The following EXOC3L4 variants were observed in gnomAD, a reference collection of about 807,000 sequenced individuals.
The protein encoded by EXOC3L4 is exocyst complex component 3 like 4.
EXOC3L4 carries 62 observed loss-of-function variants against 69.7 expected under a neutral mutation model. The ratio of observed to expected loss-of-function variants is 0.89; its 90% CI spans 0.72 to 1.10. EXOC3L4 has a LOEUF of 1.10. Among genes scored for constraint, EXOC3L4 ranks in the 50% least tolerant of loss-of-function variants. The probability of loss-of-function intolerance (pLI) is 0.00; values close to 1 mark genes in which losing one functional copy is unlikely to be tolerated. For synonymous variants in EXOC3L4, 502 were observed against 464.2 expected (o/e 1.08, Z -1.05); for missense variants, 1,087 against 1,034.8 (o/e 1.05, Z -0.69).
upstream of EXOC3L4, among the ~76,000 whole-genome samples, chr14:103,094,556 A>G (rs971432001): frequency 6.6e-6 from 1 of 151,442 alleles, no homozygotes; most frequent in Admixed American, 6.5e-5. Flanking sequence ...CCTTGGACTG[A>G]GCCCTGAGCT....
intron 8 of EXOC3L4, among the ~76,000 whole-genome samples, chr14:103,107,175 T>C (rs1403374513): frequency 2.0e-5 from 3 of 152,098 alleles, no homozygotes; most frequent in African/African-American, 7.2e-5. Flanking sequence ...CCTCACCCAG[T>C]CCCTCAAGGC....
In EXOC3L4 at chr14:103,105,079, C is replaced by T. The variant is rs1186377134; in HGVS notation, c.1466+7C>T. ...ACGCCTGCGAGGAGCTCAGGTAGGG[C>T]TCGCCCGCTCCTGTGCGGGCGCAGC... On this transcript the variant is annotated splice_region_variant and intron_variant, in intron 7 of 11. Transcript: ENST00000688303. 6.3e-7 allele frequency: 1 copy of T among 1,595,328 alleles called. No individual in the cohort carries two copies. Among genetic ancestry groups the T allele is most frequent in the South Asian group, 1.1e-5 (1 of 89,966 alleles).
chr14:103,102,680 C>G lies in EXOC3L4; in HGVS notation c.957C>G (p.Ala319=). ...TCTATCTGCGTGCCTTCCACAGCGC[C>G]GTGGCCCAGCGCCTCCAGGAGCTCG... ...WEVYLRAFHS[A]VAQRLQELAR... The change falls in exon 3 of 12, where the codon GCC becomes GCG. Residue 319 remains alanine, a synonymous_variant. Transcript: ENST00000688303. The G allele has an allele frequency of 2.0e-6, 3 of 1,488,262 alleles. No individual in the cohort carries two copies. Among genetic ancestry groups the G allele is most frequent in the East Asian group, 2.9e-5 (1 of 34,846 alleles). The allele number at this position is 1,488,262 out of a possible 1,614,324, so 92.2% of individuals were successfully genotyped here.
At chr14:103,098,073 T>A (rs1329361670) in intron 1 of EXOC3L4, among the ~76,000 whole-genome samples, 2 of 151,936 alleles carry the variant, frequency 1.3e-5, no homozygotes, top group Admixed American at 6.6e-5. Flanking sequence ...GAAGGTGGCA[T>A]GGCTGGAGGC....
At chr14:103,100,098 T>C in intron 1 of EXOC3L4, 106 bp from the exon 2 acceptor site, 1 of 1,252,028 alleles carries the variant, frequency 8.0e-7, no homozygotes, top group Non-Finnish European at 1.1e-6. Context: ...GAGGGCTGCC[T>C]CCTCTGGAGA....
chr14:103,099,909 G>A (rs1362069616), intron 1 of EXOC3L4, among the ~76,000 whole-genome samples: 1 of 152,208 alleles, frequency 6.6e-6, no homozygotes, highest in Non-Finnish European at 1.5e-5. Flanking sequence ...CTAATGGGAG[G>A]GTCTGGCCTG....
In EXOC3L4 at chr14:103,103,795, CGCGTGTGTGT is replaced by C. The variant is rs1244400293; in HGVS notation, c.1050-144_1050-135del. 6.1e-3 allele frequency: 2,708 copies of C among 442,342 alleles called. 54 individuals carry two copies. The highest frequency in any genetic ancestry group is 0.057 in the African/African-American group (2,399 of 42,160). 27.4% of individuals were successfully genotyped at this position (442,342 alleles called of 1,614,324 possible). On this transcript the variant is annotated intron_variant, in intron 3 of 11. Coordinates refer to ENST00000688303, the MANE Select transcript of EXOC3L4 (RefSeq NM_001077594.2). ...TGGCATGGCAGCCTAGAGGCGCGCG[CGCGTGTGTGT>C]GTGTGTGTGTGTGTGTGTGTGTGTA...
chr14:103,103,707 C>G (rs1282994997), intron 3 of EXOC3L4: 2 of 520,596 alleles, frequency 3.8e-6, no homozygotes, highest in East Asian at 3.5e-5. Context: ...TCTGGGTAGC[C>G]GTCCTTCAGC....
chr14:103,104,882 C>T (rs371693526), intron 6 of EXOC3L4, 44 bp downstream of exon 6: 6 of 1,536,768 alleles, frequency 3.9e-6, no homozygotes, highest in Admixed American at 3.9e-5. Context: ...GCCGGGTGCG[C>T]TCTGCAGGTG....
chr14:103,102,636 G>T lies in EXOC3L4; in HGVS notation c.913G>T (p.Gly305Cys), dbSNP rs1004470558. 1 of 1,499,222 alleles carries T rather than the reference G, an allele frequency of 6.7e-7. No homozygotes were observed. Among genetic ancestry groups the T allele is most frequent in the Admixed American group, 2.2e-5 (1 of 45,978 alleles). The allele number at this position is 1,499,222 out of a possible 1,614,324, so 92.9% of individuals were successfully genotyped here. Residue 305 changes from glycine to cysteine, a missense_variant, in exon 3 of 12, where the codon GGC becomes TGC. Coordinates refer to ENST00000688303, the MANE Select transcript of EXOC3L4 (RefSeq NM_001077594.2). Reference protein sequence around the residue: ...QEVQPAYAAAGFPAWEVYLRA... With the variant: ...QEVQPAYAAACFPAWEVYLRA... ...GGTGCAGCCCGCGTATGCGGCGGCC[G>T]GCTTCCCAGCGTGGGAGGTCTATCT...
chr14:103,106,851 C>T lies in EXOC3L4; in HGVS notation c.1533C>T (p.Thr511=). 1 of 1,593,022 alleles carries T rather than the reference C, an allele frequency of 6.3e-7. No individual in the cohort carries two copies. Among genetic ancestry groups the T allele is most frequent in the Non-Finnish European group, 8.6e-7 (1 of 1,168,788 alleles). ...TGGAGAAGCCCCTGGTGACGGCCACCTGCAGCTTCCAGAAGCACTTGCTTC... is the reference window on the plus strand; with the variant it reads ...TGGAGAAGCCCCTGGTGACGGCCACTTGCAGCTTCCAGAAGCACTTGCTTC... ...EELEKPLVTA[T]CSFQKHLLQG... Residue 511 remains threonine, a synonymous_variant, in exon 8 of 12, where the codon ACC becomes ACT. Transcript: ENST00000688303.
At position 103,097,890 on chromosome 14, in the gene EXOC3L4, G is replaced by GTCA. The variant is rs1187027175; in HGVS notation, c.-16-2310_-16-2308dup. On this transcript the variant is annotated intron_variant, in intron 1 of 11. Coordinates refer to ENST00000688303, the MANE Select transcript of EXOC3L4 (RefSeq NM_001077594.2). The surrounding 1 kb of genome is among the most constrained non-coding windows in gnomAD (Gnocchi z 4.9). ...GAACCCCAGGGGAAGCTGGTGAGGTGTCATCAGCGGGAGGTGGGGGGTGGA... is the reference window on the plus strand; with the variant it reads ...GAACCCCAGGGGAAGCTGGTGAGGTGTCATCATCAGCGGGAGGTGGGGGGTGGA... Among the ~76,000 whole-genome samples the GTCA allele has an allele frequency of 6.6e-6, 1 of 152,112 alleles. No individual in the cohort carries two copies. The highest frequency in any genetic ancestry group is 1.9e-4 in the East Asian group (1 of 5,188).
At chr14:103,095,185 G>A (rs1171939849) in intron 1 of EXOC3L4, among the ~76,000 whole-genome samples, 8 of 152,198 alleles carry the variant, frequency 5.3e-5, no homozygotes, top group Non-Finnish European at 2.9e-5. Context: ...GTGCAAAACC[G>A]ACGCCCAGAA....
intron 7 of EXOC3L4, 34 bp from the exon 8 acceptor site, chr14:103,106,751 G>A: frequency 7.1e-7 from 1 of 1,412,848 alleles, no homozygotes; most frequent in Middle Eastern, 2.3e-4. Context: ...GGTCTCCCTT[G>A]CCCACCTCAT....
Position 103,097,357 on chromosome 14 carries a change from C to T in EXOC3L4, c.-17+2517C>T, listed in dbSNP as rs934368472. 6.6e-6 allele frequency among the ~76,000 whole-genome samples: 1 copy of T among 152,072 alleles called. No individual in the cohort carries two copies. Among genetic ancestry groups the T allele is most frequent in the Non-Finnish European group, 1.5e-5 (1 of 67,988 alleles). On this transcript the variant is annotated intron_variant, in intron 1 of 11. Coordinates refer to ENST00000688303, the MANE Select transcript of EXOC3L4 (RefSeq NM_001077594.2). The surrounding 1 kb of genome is among the most constrained non-coding windows in gnomAD (Gnocchi z 4.9). ...GCGGCAGCATAGGAGCCGGGGCCCC[C>T]TGGACTCTCCGGGCACTGGGGACAG...
rs115389716 is a variant in EXOC3L4 at position 103,097,083 on chromosome 14, C to T, written c.-17+2243C>T. Among the ~76,000 whole-genome samples, 52 of 108,246 alleles carry T rather than the reference C, an allele frequency of 4.8e-4. No homozygotes were observed. The highest frequency in any genetic ancestry group is 1.9e-3 in the African/African-American group (52 of 27,128). 71.0% of individuals were successfully genotyped at this position (108,246 alleles called of 152,430 possible). On this transcript the variant is annotated intron_variant, in intron 1 of 11. Transcript: ENST00000688303. This position sits in a 1 kb window ranked among gnomAD's most constrained non-coding sequence, Gnocchi z 4.9. ...TGATTGGGAGGATGAGGAGCAGCTA[C>T]GGGAGGGAAGGTCTAGGGGAAAGCG...
rs997278824 is a variant in EXOC3L4 at position 103,097,852 on chromosome 14, G to A, written c.-16-2352G>A. Among the ~76,000 whole-genome samples, 1 of 152,116 alleles carries A rather than the reference G, an allele frequency of 6.6e-6. No individual in the cohort carries two copies. The highest frequency in any genetic ancestry group is 2.4e-5 in the African/African-American group (1 of 41,418). The stretch of plus-strand genomic sequence containing the variant: ...GGACAGAGAAGAAGCTGGGTGGGGT[G>A]CAGGTTGTCCGTGAACCCCAGGGGA... On this transcript the variant is annotated intron_variant, in intron 1 of 11. Coordinates refer to ENST00000688303, the MANE Select transcript of EXOC3L4 (RefSeq NM_001077594.2). The surrounding 1 kb of genome is among the most constrained non-coding windows in gnomAD (Gnocchi z 4.9).
In EXOC3L4 at chr14:103,104,364, C is replaced by T; in HGVS notation, c.1259C>T (p.Ala420Val). ...GAGGTGCTGCAGGGCCTCTACCAGG[C>T]GCCGCTGTCCATGGACGTCCATATG... is the stretch of plus-strand genomic sequence containing the variant. ...VPEVLQGLYQAPLSMDVHMLV... is the reference protein window; with the variant it reads ...VPEVLQGLYQVPLSMDVHMLV... The change falls in exon 5 of 12, where the codon GCG (alanine) becomes GTG (valine). Residue 420 changes from alanine (A) to valine (V), a missense_variant. Transcript: ENST00000688303. 1 of 1,585,430 alleles carries T rather than the reference C, an allele frequency of 6.3e-7. No homozygotes were observed. The highest frequency in any genetic ancestry group is 8.6e-7 in the Non-Finnish European group (1 of 1,167,288).
chr14:103,106,401 CG>C (rs1269639516), intron 7 of EXOC3L4, among the ~76,000 whole-genome samples: 1 of 152,208 alleles, frequency 6.6e-6, no homozygotes, highest in African/African-American at 2.4e-5. Context: ...TCCCTGGCTG[CG>C]GGGACTGCGT....
Sources: allele counts gnomAD v4.1 joint callset (sites outside exome capture counted in the v4.1 genomes callset), GRCh38; gene constraint gnomAD v4.1.1; non-coding constraint Gnocchi (gnomAD v3.1); transcripts MANE v1.5; gene names NCBI Gene and HGNC (gene_info 2026-07-23, HGNC 2026-07-21).